Variants in FSIP1 observed in about 807,000 individuals in gnomAD.
FSIP1 encodes fibrous sheath interacting protein 1.
In FSIP1, 65 loss-of-function variants were observed where a neutral mutation model predicts 60.9. The ratio of observed to expected loss-of-function variants is 1.07; its 90% CI spans 0.87 to 1.31. The LOEUF (loss-of-function observed/expected upper bound fraction) is 1.31. FSIP1 is among the 40% of genes most tolerant of loss of function. The probability of loss-of-function intolerance (pLI) is 0.00; values close to 1 mark genes in which losing one functional copy is unlikely to be tolerated. For synonymous variants in FSIP1, 209 were observed against 221.2 expected (o/e 0.94, Z 0.49); for missense variants, 675 against 665.5 (o/e 1.01, Z -0.16).
At chr15:39,724,254 C>CTT (rs377351491) in intron 9 of FSIP1, among the ~76,000 whole-genome samples, 2 of 141,828 alleles carry the variant, frequency 1.4e-5, no homozygotes, top group African/African-American at 2.6e-5. Context: ...CATATTCATA[C>CTT]TTTTTTTTTT....
At position 39,600,708 on chromosome 15, in the gene FSIP1, C is replaced by G. The variant is rs1890607418; in HGVS notation, c.*172G>C. ...GAGCAAAAACCACTGAACAATTACA[C>G]CCCAAGTCTCAAAAATATCAAGGAA... is the stretch of plus-strand genomic sequence containing the variant. On this transcript the variant is annotated 3_prime_UTR_variant, in exon 12 of 12. Transcript: ENST00000350221. 3.7e-6 allele frequency: 2 copies of G among 533,898 alleles called. No individual in the cohort carries two copies. The highest frequency in any genetic ancestry group is 3.9e-5 in the Admixed American group (1 of 25,466). The allele number at this position is 533,898 out of a possible 1,614,324, so 33.1% of individuals were successfully genotyped here.
intron 8 of FSIP1, among the ~76,000 whole-genome samples, chr15:39,733,740 A>G (rs558972478): frequency 6.6e-6 from 1 of 152,208 alleles, no homozygotes; most frequent in Non-Finnish European, 1.5e-5. Context: ...TTTGCTTTTT[A>G]CCCTTCCCTC....
chr15:39,763,921 A>G lies in FSIP1; in HGVS notation c.466-7T>C, dbSNP rs1327083627. The G allele has an allele frequency of 6.8e-7, 1 of 1,464,656 alleles. No individual in the cohort carries two copies. The highest frequency in any genetic ancestry group is 2.3e-5 in the East Asian group (1 of 44,046). The allele number at this position is 1,464,656 out of a possible 1,614,324, so 90.7% of individuals were successfully genotyped here. ...CTTCACTATATTTTGCAGACTAATG[A>G]AAGGAAAATTAAAATTTAAACATGG... On this transcript the variant is annotated splice_polypyrimidine_tract_variant and splice_region_variant and intron_variant, in intron 4 of 11. Transcript: ENST00000350221.
At chr15:39,696,101 C>T (rs961014304) in intron 10 of FSIP1, among the ~76,000 whole-genome samples, 1 of 152,136 alleles carries the variant, frequency 6.6e-6, no homozygotes, top group Non-Finnish European at 1.5e-5. Flanking sequence ...AAAAAGCAGG[C>T]TGCAATACCC....
At chr15:39,688,645 G>T (rs959554911) in intron 10 of FSIP1, among the ~76,000 whole-genome samples, 1 of 152,190 alleles carries the variant, frequency 6.6e-6, no homozygotes, top group African/African-American at 2.4e-5. Flanking sequence ...GTATAGGACT[G>T]CAGAGAAAAA....
At chr15:39,601,721 G>A (rs961741739) in intron 11 of FSIP1, among the ~76,000 whole-genome samples, 6 of 152,178 alleles carry the variant, frequency 3.9e-5, no homozygotes, top group Non-Finnish European at 7.3e-5. Flanking sequence ...TTCAACAATA[G>A]AAAAGAGTGG....
At chr15:39,605,188 T>C (rs895682471) in intron 11 of FSIP1, among the ~76,000 whole-genome samples, 11 of 152,242 alleles carry the variant, frequency 7.2e-5, no homozygotes, top group African/African-American at 1.4e-4. Context: ...TACTTAGCTT[T>C]CTTTCATCTA....
intron 8 of FSIP1, among the ~76,000 whole-genome samples, chr15:39,727,167 C>T (rs752274389): frequency 2.0e-5 from 3 of 152,222 alleles, no homozygotes; most frequent in African/African-American, 4.8e-5. Context: ...AAATCAGTTG[C>T]TTGGGTTTCA....
chr15:39,742,723 A>G (rs985961492), intron 5 of FSIP1, among the ~76,000 whole-genome samples: 5 of 152,208 alleles, frequency 3.3e-5, no homozygotes, highest in Admixed American at 6.5e-5. Flanking sequence ...GGCAGAAGAT[A>G]CATTCACCCT....
intron 7 of FSIP1, 47 bp downstream of exon 7, chr15:39,739,618 A>C: frequency 6.5e-7 from 1 of 1,548,228 alleles, no homozygotes; most frequent in Non-Finnish European, 8.7e-7. Flanking sequence ...CATTTTTTTC[A>C]ACTCATTTAG....
chr15:39,684,462 A>G (rs1344076250), intron 10 of FSIP1, among the ~76,000 whole-genome samples: 1 of 152,194 alleles, frequency 6.6e-6, no homozygotes, highest in Non-Finnish European at 1.5e-5. Flanking sequence ...CTCAATGAAT[A>G]AAAAGTGAAT....
At chr15:39,617,246 T>G (rs773648301) in intron 11 of FSIP1, among the ~76,000 whole-genome samples, 2 of 152,166 alleles carry the variant, frequency 1.3e-5, no homozygotes, top group Non-Finnish European at 2.9e-5. Flanking sequence ...CCATGACCAT[T>G]GCAAGATGAA....
At position 39,776,638 on chromosome 15, in the gene FSIP1, G is replaced by T; in HGVS notation, c.-7-107C>A. 2.9e-6 allele frequency: 3 copies of T among 1,019,584 alleles called. 1 individual carries two copies. The South Asian group carries it at 4.9e-5, about 17-fold the overall frequency. 63.2% of individuals were successfully genotyped at this position (1,019,584 alleles called of 1,614,324 possible). ...TCAGAGGCTTTGTTTTAAAGATTAT[G>T]TTGCTACTGAAGTCACACTTAAGGG... is the stretch of plus-strand genomic sequence containing the variant. On this transcript the variant is annotated intron_variant, in intron 1 of 11. Coordinates refer to ENST00000350221, the MANE Select transcript of FSIP1 (RefSeq NM_152597.5).
At chr15:39,643,129 T>C (rs528300429) in intron 10 of FSIP1, among the ~76,000 whole-genome samples, 1 of 152,290 alleles carries the variant, frequency 6.6e-6, no homozygotes, top group South Asian at 2.1e-4. Flanking sequence ...ATAACATCAT[T>C]TTTAGGCACT....
At chr15:39,634,781 C>A (rs1194560703) in intron 10 of FSIP1, among the ~76,000 whole-genome samples, 1 of 152,160 alleles carries the variant, frequency 6.6e-6, no homozygotes, top group Non-Finnish European at 1.5e-5. Context: ...CATGCGGACG[C>A]CATGTCTCCT....
chr15:39,611,326 A>T (rs942127215), intron 11 of FSIP1, among the ~76,000 whole-genome samples: 13 of 151,696 alleles, frequency 8.6e-5, no homozygotes, highest in Non-Finnish European at 1.9e-4. Flanking sequence ...GTTTTTTTTT[A>T]TTTTTTAAGG....
At chr15:39,749,263 C>CAAAAAAAAAGAAAAA (rs1897091660) in intron 5 of FSIP1, among the ~76,000 whole-genome samples, 1 of 98,326 alleles carries the variant, frequency 1.0e-5, no homozygotes, top group Non-Finnish European at 2.0e-5. Context: ...TAAACTCTTC[C>CAAAAAAAAAGAAAAA]AAAAAAAAAA....
At chr15:39,700,868 T>G (rs1481187171) in intron 10 of FSIP1, among the ~76,000 whole-genome samples, 2 of 152,166 alleles carry the variant, frequency 1.3e-5, no homozygotes, top group African/African-American at 4.8e-5. Context: ...AAATACAGCT[T>G]TGATTGGATG....
chr15:39,630,338 A>G (rs1174842710), intron 10 of FSIP1, among the ~76,000 whole-genome samples: 2 of 152,094 alleles, frequency 1.3e-5, no homozygotes, highest in Non-Finnish European at 2.9e-5. Flanking sequence ...AACTGAATCC[A>G]AATTCAGAAG....
Sources: gnomAD v4.1 joint callset for allele counts (sites outside exome capture counted in the v4.1 genomes callset) on GRCh38, gnomAD v4.1.1 for gene constraint, MANE v1.5 for transcripts, NCBI Gene and HGNC (gene_info 2026-07-23, HGNC 2026-07-21) for gene names.